COMMD1: variants seen among roughly 807,000 people sequenced by gnomAD.
The protein encoded by COMMD1 is copper metabolism domain containing 1.
Under a neutral mutation model 17.2 loss-of-function variants are expected in COMMD1, and 10 were observed. The ratio of observed to expected loss-of-function variants is 0.58; its 90% confidence interval spans 0.36 to 0.99. The LOEUF is 0.99. COMMD1 is among the 50% of genes least tolerant of loss of function. The pLI is 0.01. For missense variants in COMMD1, 270 were observed against 231.8 expected (o/e 1.17, Z -1.07); for synonymous variants, 97 against 91.6 (o/e 1.06, Z -0.34).
intron 1 of COMMD1, among the ~76,000 whole-genome samples, chr2:61,972,047 C>T (rs897479726): frequency 6.6e-6 from 1 of 151,894 alleles, no homozygotes; most frequent in African/African-American, 2.4e-5. Context: ...TGCTTGAGCC[C>T]GGGAGGCAGA....
chr2:61,895,950 T>C (rs1669540610), intron 1 of COMMD1, among the ~76,000 whole-genome samples: 1 of 152,172 alleles, frequency 6.6e-6, no homozygotes, highest in South Asian at 2.1e-4. Flanking sequence ...GTAACAAGCT[T>C]GCCAACTGTG....
intron 2 of COMMD1, among the ~76,000 whole-genome samples, chr2:62,056,827 T>G (rs1670717650): frequency 6.6e-6 from 1 of 152,208 alleles, no homozygotes. Flanking sequence ...AGAAGAGGAT[T>G]AACTGCTTGA....
chr2:61,928,985 A>G (rs775084004), intron 1 of COMMD1, among the ~76,000 whole-genome samples: 3 of 152,232 alleles, frequency 2.0e-5, no homozygotes, highest in African/African-American at 4.8e-5. Context: ...CCATGAGGGA[A>G]GGGTAAGGGA....
intron 2 of COMMD1, among the ~76,000 whole-genome samples, chr2:62,048,896 A>G (rs1670458048): frequency 6.6e-6 from 1 of 152,176 alleles, no homozygotes; most frequent in Non-Finnish European, 1.5e-5. Flanking sequence ...TACTTTTCAT[A>G]AAGTATCCCT....
At chr2:62,080,255 C>G (rs1253830101) in intron 2 of COMMD1, among the ~76,000 whole-genome samples, 1 of 152,064 alleles carries the variant, frequency 6.6e-6, no homozygotes, top group Non-Finnish European at 1.5e-5. Context: ...GAGGTTGAGA[C>G]CAGCTTGGAC....
Position 61,905,743 on chromosome 2 carries a change from A to T in COMMD1, c.65A>T (p.Asp22Val), listed in dbSNP as rs372737051. The change falls in exon 1 of 3, where the codon GAC (aspartate) becomes GTC (valine). Residue 22 changes from aspartate to valine, a missense_variant. Physicochemically the swap from Asp to Val is radical, Grantham distance 152 (BLOSUM62 -3). Coordinates refer to ENST00000311832, the MANE Select transcript of COMMD1 (RefSeq NM_152516.4). ...GGGCTGCTGAATGCGCTGGCCCAGG[A>T]CACTTTCCACGGGTACCCCGGCATC... is the stretch of plus-strand genomic sequence containing the variant. The part of the protein sequence containing the change: ...LSGLLNALAQ[D>V]TFHGYPGITE... The T allele has an allele frequency of 2.5e-6, 4 of 1,613,668 alleles. No homozygotes were observed. The highest frequency in any genetic ancestry group is 1.7e-5 in the Admixed American group (1 of 59,938).
chr2:62,114,501 A>G (rs971400241), intron 2 of COMMD1, among the ~76,000 whole-genome samples: 1 of 152,162 alleles, frequency 6.6e-6, no homozygotes, highest in African/African-American at 2.4e-5. Flanking sequence ...TTATCTCCCA[A>G]TTTGATTATA....
chr2:61,990,889 A>AT (rs1424991328), intron 1 of COMMD1, among the ~76,000 whole-genome samples: 3,344 of 98,044 alleles, frequency 0.034, 80 homozygotes, highest in African/African-American at 0.082. Context: ...AAAAAAAAAA[A>AT]AAATATATAT....
chr2:61,970,674 A>G (rs1442367028), intron 1 of COMMD1, among the ~76,000 whole-genome samples: 1 of 152,198 alleles, frequency 6.6e-6, no homozygotes, highest in Admixed American at 6.5e-5. Context: ...CCAACTGTAT[A>G]TGACTTACTA....
chr2:62,098,162 C>CTTTTTTTT (rs1212972398), intron 2 of COMMD1, among the ~76,000 whole-genome samples: 1 of 125,846 alleles, frequency 7.9e-6, no homozygotes, highest in East Asian at 2.3e-4. Context: ...TCCTTTCTTT[C>CTTTTTTTT]TTTTTTTTTT....
At chr2:62,019,038 C>CCTCCCTCCCTCCCTCCCTCCCTCCCTCT (rs1260053238) in intron 2 of COMMD1, among the ~76,000 whole-genome samples, 18 of 144,408 alleles carry the variant, frequency 1.2e-4, no homozygotes, top group African/African-American at 4.6e-4. Flanking sequence ...TCCCTCCCTC[C>CCTCCCTCCCTCCCTCCCTCCCTCCCTCT]CTCCCTCCTT....
chr2:62,042,569 C>G (rs553286757), intron 2 of COMMD1, among the ~76,000 whole-genome samples: 1 of 152,174 alleles, frequency 6.6e-6, no homozygotes, highest in Non-Finnish European at 1.5e-5. Context: ...AACCCGCGAG[C>G]GCCGAGCGCA....
At chr2:61,958,611 TA>T (rs1671259089) in intron 1 of COMMD1, among the ~76,000 whole-genome samples, 1 of 152,238 alleles carries the variant, frequency 6.6e-6, no homozygotes, top group South Asian at 2.1e-4. Context: ...ATGTATGAAT[TA>T]TCTGATTTTT....
At chr2:62,002,728 C>A (rs965192384) in intron 2 of COMMD1, among the ~76,000 whole-genome samples, 1 of 151,350 alleles carries the variant, frequency 6.6e-6, no homozygotes, top group Non-Finnish European at 1.5e-5. Flanking sequence ...TGGTGGCGGG[C>A]ACCTGTAATC....
At chr2:62,065,217 C>T (rs143934118) in intron 2 of COMMD1, among the ~76,000 whole-genome samples, 9 of 151,614 alleles carry the variant, frequency 5.9e-5, no homozygotes, top group African/African-American at 9.7e-5. Flanking sequence ...GGTAAGTAGG[C>T]GATGAAGCTT....
chr2:61,965,408 C>T (rs539211345), intron 1 of COMMD1, among the ~76,000 whole-genome samples: 2 of 152,194 alleles, frequency 1.3e-5, no homozygotes, highest in South Asian at 4.1e-4. Flanking sequence ...GCCCAGATAC[C>T]AAATAGGACC....
chr2:61,984,570 G>A (rs1391040967), intron 1 of COMMD1, among the ~76,000 whole-genome samples: 1 of 152,208 alleles, frequency 6.6e-6, no homozygotes, highest in African/African-American at 2.4e-5. Context: ...TTGGCTTGTA[G>A]CCTAACATAT....
chr2:62,009,369 C>T (rs1488556972), intron 2 of COMMD1, among the ~76,000 whole-genome samples: 1 of 152,088 alleles, frequency 6.6e-6, no homozygotes, highest in African/African-American at 2.4e-5. Flanking sequence ...CTTTGGGCGA[C>T]TGAGGCGGGC....
intron 2 of COMMD1, among the ~76,000 whole-genome samples, chr2:62,066,659 C>T (rs1294853422): frequency 6.6e-6 from 1 of 151,416 alleles, no homozygotes; most frequent in Non-Finnish European, 1.5e-5. Context: ...CCTTGGCCTC[C>T]CAAAGTGCTG....
Sources: allele counts gnomAD v4.1 joint callset (sites outside exome capture counted in the v4.1 genomes callset), GRCh38; gene constraint gnomAD v4.1.1; transcripts MANE v1.5; gene names NCBI Gene and HGNC (gene_info 2026-07-23, HGNC 2026-07-21).